The following FILIP1L variants were observed in gnomAD, a reference collection of about 807,000 sequenced individuals.
FILIP1L encodes filamin A-interacting protein 1-like.
A neutral mutation model predicts 96.6 loss-of-function variants in FILIP1L; 55 were observed. That is an observed-to-expected ratio of 0.57 (90% confidence interval 0.46 to 0.71). FILIP1L has a LOEUF of 0.71. FILIP1L is among the 30% of genes least tolerant of loss of function. The pLI, the probability that FILIP1L is intolerant of heterozygous loss-of-function variation, is 0.00. For missense variants in FILIP1L, 1,304 were observed against 1,321.2 expected (o/e 0.99, Z 0.20); for synonymous variants, 467 against 473.9 (o/e 0.99, Z 0.19).
chr3:99,997,566 A>G (rs1402413838), intron 1 of FILIP1L, among the ~76,000 whole-genome samples: 1 of 152,212 alleles, frequency 6.6e-6, no homozygotes, highest in Non-Finnish European at 1.5e-5. Flanking sequence ...CTGACTCACC[A>G]GTAATATTCA....
At chr3:99,906,336 C>T (rs1203375347) in intron 4 of FILIP1L, among the ~76,000 whole-genome samples, 1 of 152,020 alleles carries the variant, frequency 6.6e-6, no homozygotes, top group Non-Finnish European at 1.5e-5. Flanking sequence ...CTTTAAGGCC[C>T]CTTCAAGTCT....
chr3:99,893,905 C>A (rs2107617756), intron 4 of FILIP1L, among the ~76,000 whole-genome samples: 1 of 152,308 alleles, frequency 6.6e-6, no homozygotes, highest in Non-Finnish European at 1.5e-5. Flanking sequence ...GCCAAATCCA[C>A]AAATATTTCT....
At chr3:99,961,597 C>G (rs545661492) in intron 1 of FILIP1L, among the ~76,000 whole-genome samples, 1 of 152,188 alleles carries the variant, frequency 6.6e-6, no homozygotes, top group Non-Finnish European at 1.5e-5. Context: ...CATTCTTTGC[C>G]ATATTATTTT....
chr3:100,046,051 A>G (rs2065274043), intron 1 of FILIP1L, among the ~76,000 whole-genome samples: 2 of 152,188 alleles, frequency 1.3e-5, no homozygotes, highest in South Asian at 4.1e-4. Context: ...TTTTAAGGAA[A>G]GGGTATGGAG....
intron 1 of FILIP1L, among the ~76,000 whole-genome samples, chr3:100,071,090 CTTTT>C (rs61563009): frequency 5.1e-4 from 36 of 70,584 alleles, no homozygotes; most frequent in Non-Finnish European, 7.5e-4. Flanking sequence ...GCTACTCTCT[CTTTT>C]TTTTTTTTTT....
intron 1 of FILIP1L, among the ~76,000 whole-genome samples, chr3:99,958,543 G>A (rs77211113): frequency 0.028 from 4,295 of 152,294 alleles, 77 homozygotes; most frequent in Non-Finnish European, 0.045. Context: ...CCACAGAAGG[G>A]TAGGAGGAAT....
intron 1 of FILIP1L, among the ~76,000 whole-genome samples, chr3:99,966,923 T>G (rs1351926396): frequency 5.3e-5 from 8 of 152,320 alleles, no homozygotes; most frequent in Non-Finnish European, 2.9e-5. Context: ...TGAAAATAGA[T>G]GGAGTATGCC....
At chr3:99,947,137 CAA>C (rs397829321) in intron 1 of FILIP1L, among the ~76,000 whole-genome samples, 1 of 88,814 alleles carries the variant, frequency 1.1e-5, no homozygotes. Flanking sequence ...GACTCTGTCT[CAA>C]AAAAAAAAAA....
chr3:99,855,174 C>T (rs1481872179), intron 4 of FILIP1L, among the ~76,000 whole-genome samples: 1 of 152,148 alleles, frequency 6.6e-6, no homozygotes, highest in African/African-American at 2.4e-5. Flanking sequence ...GTATTCCTGA[C>T]CTACATGACC....
At chr3:99,891,143 T>C (rs1706070905) in intron 4 of FILIP1L, among the ~76,000 whole-genome samples, 1 of 151,934 alleles carries the variant, frequency 6.6e-6, no homozygotes, top group Admixed American at 6.6e-5. Context: ...CTCAGTGGAG[T>C]TTATTTTCCC....
chr3:100,046,854 A>C (rs1017442194), intron 1 of FILIP1L, among the ~76,000 whole-genome samples: 1 of 152,214 alleles, frequency 6.6e-6, no homozygotes, highest in Non-Finnish European at 1.5e-5. Context: ...GTGAGTGGCC[A>C]AGTAACCCAG....
intron 1 of FILIP1L, among the ~76,000 whole-genome samples, chr3:100,101,192 TACTAAG>T (rs1553714059): frequency 6.6e-6 from 1 of 152,172 alleles, no homozygotes; most frequent in Non-Finnish European, 1.5e-5. Context: ...GACAGCGTTA[TACTAAG>T]ACTGAGAAAG....
At chr3:100,066,618 G>A (rs1162741905) in intron 1 of FILIP1L, among the ~76,000 whole-genome samples, 7 of 80,372 alleles carry the variant, frequency 8.7e-5, no homozygotes, top group Non-Finnish European at 1.5e-4. Flanking sequence ...TGCAAGCTCC[G>A]CCTCCCGGGT....
intron 4 of FILIP1L, among the ~76,000 whole-genome samples, chr3:99,918,360 C>A (rs1707020852): frequency 6.6e-6 from 1 of 152,158 alleles, no homozygotes; most frequent in African/African-American, 2.4e-5. Context: ...GGTCTGCAGA[C>A]CAGACTGCCA....
chr3:100,070,234 G>A (rs1432503210), intron 1 of FILIP1L, among the ~76,000 whole-genome samples: 1 of 152,166 alleles, frequency 6.6e-6, no homozygotes, highest in Non-Finnish European at 1.5e-5. Flanking sequence ...GTTAATTGAA[G>A]TTAGATTTTG....
intron 3 of FILIP1L, among the ~76,000 whole-genome samples, chr3:99,924,965 G>A (rs1707245077): frequency 6.6e-6 from 1 of 152,122 alleles, no homozygotes; most frequent in Non-Finnish European, 1.5e-5. Context: ...GGTATCAACT[G>A]TTTCCACATA....
intron 1 of FILIP1L, among the ~76,000 whole-genome samples, chr3:100,011,063 A>G (rs1710140850): frequency 6.6e-6 from 1 of 152,158 alleles, no homozygotes. Context: ...GGATGGTACC[A>G]GGGCTTGTGG....
At chr3:99,930,690 TTCTG>T in intron 2 of FILIP1L, 75 bp downstream of exon 2, 1 of 1,449,044 alleles carries the variant, frequency 6.9e-7, no homozygotes, top group South Asian at 1.2e-5. Flanking sequence ...AGATATCTAT[TTCTG>T]TGGCAGCAGG....
chr3:99,894,803 T>C (rs187126106), intron 4 of FILIP1L, among the ~76,000 whole-genome samples: 4 of 152,204 alleles, frequency 2.6e-5, no homozygotes, highest in African/African-American at 4.8e-5. Context: ...AATAATAGCA[T>C]AATTCACAAG....
Sources: allele counts gnomAD v4.1 joint callset (sites outside exome capture counted in the v4.1 genomes callset), GRCh38; gene constraint gnomAD v4.1.1; transcripts MANE v1.5; gene names NCBI Gene and HGNC (gene_info 2026-07-23, HGNC 2026-07-21).